RXRA: variants seen among roughly 807,000 people sequenced by gnomAD.
RXRA encodes retinoic acid receptor RXR-alpha.
In RXRA, 5 loss-of-function variants were observed where a neutral mutation model predicts 44.5. That is an observed-to-expected ratio of 0.11 (90% CI 0.06 to 0.24). RXRA has a LOEUF of 0.24. Ranked by LOEUF, RXRA falls within the 10% of genes least tolerant of loss-of-function variation. The pLI is 1.00. For missense variants in RXRA, 412 were observed against 646.5 expected, an observed-to-expected ratio of 0.64 and a Z score of 3.93; for synonymous variants, 291 against 271.4, an observed-to-expected ratio of 1.07 and a Z score of -0.71.
intron 1 of RXRA, among the ~76,000 whole-genome samples, chr9:134,394,447 A>G (rs1830848510): frequency 6.6e-6 from 1 of 152,138 alleles, no homozygotes. Flanking sequence ...AGGTCAGTCA[A>G]GACTGAAGGG....
At chr9:134,422,514 CG>C in intron 6 of RXRA, 1 of 1,215,996 alleles carries the variant, frequency 8.2e-7, no homozygotes, top group Non-Finnish European at 1.1e-6. Flanking sequence ...TCCCCTCTCC[CG>C]GGACACTCCC....
At chr9:134,402,951 C>G (rs1277401518) in intron 2 of RXRA, 1 of 152,238 alleles carries the variant, frequency 6.6e-6, no homozygotes, top group African/African-American at 2.4e-5. Flanking sequence ...TGCCCACACA[C>G]AGCTGACAGC....
chr9:134,409,573 G>C (rs567202726), intron 4 of RXRA, among the ~76,000 whole-genome samples: 191 of 152,288 alleles, frequency 1.3e-3, no homozygotes, highest in African/African-American at 4.3e-3. Context: ...AATCTGTGTC[G>C]GGGCGGTTTG....
At chr9:134,346,067 C>T (rs927367955) in intron 1 of RXRA, among the ~76,000 whole-genome samples, 2 of 152,222 alleles carry the variant, frequency 1.3e-5, no homozygotes, top group Middle Eastern at 3.4e-3. Context: ...GGGGTCCAGG[C>T]GGGGTATGGC....
chr9:134,348,331 A>G (rs1460915772), intron 1 of RXRA, among the ~76,000 whole-genome samples: 3 of 152,164 alleles, frequency 2.0e-5, no homozygotes, highest in Non-Finnish European at 2.9e-5. Flanking sequence ...GGGTTTTGAG[A>G]AGGAGGACAG....
Position 134,401,716 on chromosome 9 carries a change from G to T in RXRA, c.113G>T (p.Gly38Val). ...MAAPSLHPSL[G>V]PGIGSPGQLH... ...GCCCCCTCGCTGCACCCGTCCCTGGGGCCTGGCATCGGCTCCCCGGGACAG... is the reference window on the plus strand; with the variant it reads ...GCCCCCTCGCTGCACCCGTCCCTGGTGCCTGGCATCGGCTCCCCGGGACAG... The change falls in exon 2 of 10, where the codon GGG becomes GTG. Residue 38 changes from glycine (G) to valine (V), a missense_variant. Physicochemically the swap from Gly to Val is moderately radical, Grantham distance 109. Transcript: ENST00000481739. 6.2e-7 allele frequency: 1 copy of T among 1,613,188 alleles called. No homozygotes were observed. Among genetic ancestry groups the T allele is most frequent in the East Asian group, 2.2e-5 (1 of 44,868 alleles).
intron 1 of RXRA, among the ~76,000 whole-genome samples, chr9:134,401,110 C>T (rs1027000510): frequency 5.9e-5 from 9 of 152,232 alleles, no homozygotes; most frequent in Admixed American, 5.2e-4. Flanking sequence ...TCATGGTGCT[C>T]ACTGCTGACC....
intron 1 of RXRA, among the ~76,000 whole-genome samples, chr9:134,387,718 G>A (rs1830740518): frequency 6.6e-6 from 1 of 152,216 alleles, no homozygotes; most frequent in African/African-American, 2.4e-5. Flanking sequence ...AGCAGCAGGC[G>A]TGCGGCGTGC....
intron 1 of RXRA, among the ~76,000 whole-genome samples, chr9:134,334,541 G>T (rs1225548039): frequency 6.6e-6 from 1 of 152,264 alleles, no homozygotes; most frequent in Non-Finnish European, 1.5e-5. Context: ...CGGTGGCAGT[G>T]TGTGCTGAGC....
At chr9:134,330,596 C>T (rs1554746527) in intron 1 of RXRA, among the ~76,000 whole-genome samples, 2 of 152,220 alleles carry the variant, frequency 1.3e-5, no homozygotes, top group East Asian at 3.8e-4. Context: ...GCAGCTCTGT[C>T]TTTCATCCTT....
chr9:134,401,728 G>C lies in RXRA; in HGVS notation c.125G>C (p.Gly42Ala). 1 of 1,613,112 alleles carries C rather than the reference G, an allele frequency of 6.2e-7. No individual in the cohort carries two copies. The highest frequency in any genetic ancestry group is 1.1e-5 in the South Asian group (1 of 91,082). Reference sequence around the variant, plus strand: ...CACCCGTCCCTGGGGCCTGGCATCGGCTCCCCGGGACAGCTGCATTCTCCC... The same window carrying C: ...CACCCGTCCCTGGGGCCTGGCATCGCCTCCCCGGGACAGCTGCATTCTCCC... ...SLHPSLGPGIGSPGQLHSPIS... is the reference protein window; with the variant it reads ...SLHPSLGPGIASPGQLHSPIS... The change falls in exon 2 of 10, where the codon GGC (glycine) becomes GCC (alanine). Residue 42 changes from glycine (G) to alanine (A), a missense_variant. Gly to Ala is a moderately conservative substitution (Grantham distance 60). Around this residue, in one of 4 missense-constraint regions of RXRA, gnomAD observed 156 missense variants for 177.2 expected, o/e 0.88. Transcript: ENST00000481739.
At chr9:134,345,559 G>A (rs1830139852) in intron 1 of RXRA, among the ~76,000 whole-genome samples, 1 of 152,196 alleles carries the variant, frequency 6.6e-6, no homozygotes, top group Non-Finnish European at 1.5e-5. Flanking sequence ...GACATCACAT[G>A]TCTGGCCTGG....
chr9:134,417,326 C>T lies in RXRA; in HGVS notation c.779C>T (p.Ser260Leu), dbSNP rs145832863. The change falls in exon 5 of 10, where the codon TCG becomes TTG. Residue 260 changes from serine to leucine, a missense_variant and splice_region_variant. Physicochemically the swap from Ser to Leu is moderately radical, Grantham distance 145. Transcript: ENST00000481739. This position sits in a 1 kb window ranked among gnomAD's most constrained non-coding sequence, Gnocchi z 6.1. The part of the protein sequence containing the change: ...VEANMGLNPS[S>L]PNDPVTNICQ... ...GCAAACATGGGGCTGAACCCCAGCT[C>T]GGTGAGTTGCAGCCTGTGCAGGGGT... The T allele has an allele frequency of 1.7e-5, 28 of 1,613,158 alleles. No individual in the cohort carries two copies. Among genetic ancestry groups the T allele is most frequent in the Non-Finnish European group, 2.2e-5 (26 of 1,179,742 alleles).
chr9:134,398,283 A>G (rs955531771), intron 1 of RXRA, among the ~76,000 whole-genome samples: 2 of 152,126 alleles, frequency 1.3e-5, no homozygotes, highest in African/African-American at 4.8e-5. Flanking sequence ...CCCGGCCCCA[A>G]AGTAGGATGT....
rs1268235539 is a variant in RXRA, at chr9:134,374,477, CAG to C, written c.29-27154_29-27153del. 2.0e-5 allele frequency among the ~76,000 whole-genome samples: 3 copies of C among 152,236 alleles called. No homozygotes were observed. The South Asian group carries it at 6.2e-4, about 31-fold the overall frequency. On this transcript the variant is annotated intron_variant, in intron 1 of 9. Coordinates refer to ENST00000481739, the MANE Select transcript of RXRA (RefSeq NM_002957.6). ...TGCGCTGGTCACTGGTCGCTGGTCA[CAG>C]GGATCCTGGCTCTCGGCCCAGGGCC...
Position 134,417,037 on chromosome 9 carries a change from TG to T in RXRA, c.611-117del. 1 of 1,031,492 alleles carries T rather than the reference TG, an allele frequency of 9.7e-7. No homozygotes were observed. The highest frequency in any genetic ancestry group is 1.4e-6 in the Non-Finnish European group (1 of 709,142). 63.9% of individuals were successfully genotyped at this position (1,031,492 alleles called of 1,614,324 possible). A position where few individuals can be genotyped will look rare whatever the true frequency, so the allele number is the denominator to read the frequency against. ...TGGGGTCTCCATCACCCAGTGCTGG[TG>T]GGGATGCTGGTGTTGTGGGTGAGTT... On this transcript the variant is annotated intron_variant, in intron 4 of 9. Coordinates refer to ENST00000481739, the MANE Select transcript of RXRA (RefSeq NM_002957.6). The surrounding 1 kb of genome is among the most constrained non-coding windows in gnomAD (Gnocchi z 6.1).
chr9:134,380,210 G>A (rs964881974), intron 1 of RXRA: 21 of 983,492 alleles, frequency 2.1e-5, no homozygotes, highest in Admixed American at 1.2e-4. Context: ...CGGAGGTGGC[G>A]TGCCGGCCCC....
Position 134,436,839 on chromosome 9 carries a change from C to T in RXRA, c.*225C>T, listed in dbSNP as rs576446136. The T allele has an allele frequency of 8.4e-4, 479 of 567,950 alleles. 2 individuals carry two copies. Among genetic ancestry groups the T allele is most frequent in the African/African-American group, 8.3e-3 (440 of 53,188 alleles). The allele number at this position is 567,950 out of a possible 1,614,324, so 35.2% of individuals were successfully genotyped here. On this transcript the variant is annotated 3_prime_UTR_variant, in exon 10 of 10. Transcript: ENST00000481739. ...GTGGCTTTCCTGAGGCAGCAGCCTTCGTGGCAAGAACTAGCGTGAGCCCAG... is the reference window on the plus strand; with the variant it reads ...GTGGCTTTCCTGAGGCAGCAGCCTTTGTGGCAAGAACTAGCGTGAGCCCAG...
intron 1 of RXRA, among the ~76,000 whole-genome samples, chr9:134,357,730 C>A (rs1830299874): frequency 6.6e-6 from 1 of 152,204 alleles, no homozygotes; most frequent in South Asian, 2.1e-4. Context: ...AAACATGCAC[C>A]AGAGGTAAGC....
Sources: allele counts gnomAD v4.1 joint callset (sites outside exome capture counted in the v4.1 genomes callset), GRCh38; gene constraint gnomAD v4.1.1; regional missense constraint gnomAD v4.1.1; non-coding constraint Gnocchi (gnomAD v3.1); transcripts MANE v1.5; gene names NCBI Gene and HGNC (gene_info 2026-07-23, HGNC 2026-07-21).